The following REDIC1 variants were observed in gnomAD, a reference collection of about 807,000 sequenced individuals.
REDIC1 encodes regulator of DNA class I crossover intermediates 1.
At chr12:39,629,277 G>T in the REDIC1 span, among the ~76,000 whole-genome samples, 1 of 152,184 alleles carries the variant, frequency 6.6e-6, no homozygotes, top group South Asian at 2.1e-4. Flanking sequence ...ATGTTAGTTT[G>T]CGATACTAGG....
chr12:39,748,128 C>T, the REDIC1 span, among the ~76,000 whole-genome samples: 1 of 152,092 alleles, frequency 6.6e-6, no homozygotes, highest in Non-Finnish European at 1.5e-5. Flanking sequence ...AAGACACTGG[C>T]ACATTGGATA....
chr12:39,779,135 G>A, the REDIC1 span, among the ~76,000 whole-genome samples: 30 of 152,286 alleles, frequency 2.0e-4, no homozygotes, highest in African/African-American at 6.7e-4. Context: ...CCTGAGCTGG[G>A]TGGCCTATGG....
the REDIC1 span, among the ~76,000 whole-genome samples, chr12:39,746,293 A>T: frequency 6.6e-6 from 1 of 152,198 alleles, no homozygotes; most frequent in Non-Finnish European, 1.5e-5. Context: ...ATTATGTCCC[A>T]TGCCTGGCTT....
the REDIC1 span, among the ~76,000 whole-genome samples, chr12:39,708,761 G>A: frequency 1.3e-5 from 2 of 151,438 alleles, no homozygotes; most frequent in African/African-American, 2.4e-5. Flanking sequence ...ATACCATACC[G>A]CTTTTATTAT....
the REDIC1 span, among the ~76,000 whole-genome samples, chr12:39,795,950 A>G: frequency 1.3e-5 from 2 of 152,142 alleles, no homozygotes; most frequent in African/African-American, 4.8e-5. Flanking sequence ...GTATATTCAC[A>G]GAGTTGTGTA....
the REDIC1 span, among the ~76,000 whole-genome samples, chr12:39,688,679 A>T: frequency 1.1e-4 from 17 of 152,168 alleles, no homozygotes; most frequent in African/African-American, 4.1e-4. Context: ...AACAATGAGG[A>T]GGGATTTGAT....
the REDIC1 span, among the ~76,000 whole-genome samples, chr12:39,689,920 C>G: frequency 2.0e-5 from 3 of 152,156 alleles, no homozygotes; most frequent in African/African-American, 7.2e-5. Context: ...ATAGCTAGAA[C>G]TAGTCAAAAA....
the REDIC1 span, among the ~76,000 whole-genome samples, chr12:39,705,287 C>A: frequency 2.0e-5 from 3 of 151,998 alleles, no homozygotes; most frequent in African/African-American, 7.2e-5. Flanking sequence ...CCTGAACAGT[C>A]CAATAACGAG....
the REDIC1 span, among the ~76,000 whole-genome samples, chr12:39,713,749 A>G: frequency 1.5e-4 from 23 of 149,554 alleles, no homozygotes; most frequent in South Asian, 1.3e-3. Context: ...ATGTATATAT[A>G]CATGTATACA....
At chr12:39,676,589 A>G in the REDIC1 span, among the ~76,000 whole-genome samples, 16 of 152,324 alleles carry the variant, frequency 1.1e-4, no homozygotes, top group African/African-American at 3.8e-4. Context: ...ATATTCAAAT[A>G]CAAGAAGCTC....
chr12:39,824,234 C>T, the REDIC1 span, among the ~76,000 whole-genome samples: 1 of 152,082 alleles, frequency 6.6e-6, no homozygotes, highest in Non-Finnish European at 1.5e-5. Flanking sequence ...TTTGAATGGT[C>T]CTAGTTAACT....
At chr12:39,665,678 C>T in the REDIC1 span, among the ~76,000 whole-genome samples, 1 of 150,534 alleles carries the variant, frequency 6.6e-6, no homozygotes, top group South Asian at 2.1e-4. Flanking sequence ...TGGCCATTTT[C>T]ACGATATTGA....
chr12:39,876,940 A>AC, the REDIC1 span, among the ~76,000 whole-genome samples: 1 of 152,162 alleles, frequency 6.6e-6, no homozygotes, highest in African/African-American at 2.4e-5. Context: ...TGACTGTAAG[A>AC]CCTTAAAGAT....
chr12:39,885,587 T>C, the REDIC1 span, among the ~76,000 whole-genome samples: 1 of 152,144 alleles, frequency 6.6e-6, no homozygotes, highest in Non-Finnish European at 1.5e-5. Flanking sequence ...TAAATATTAA[T>C]GAATATTATA....
At chr12:39,701,143 A>C in the REDIC1 span, among the ~76,000 whole-genome samples, 5 of 152,304 alleles carry the variant, frequency 3.3e-5, no homozygotes, top group East Asian at 1.9e-4. Flanking sequence ...CAGATTGGCA[A>C]ATTGGATAAA....
the REDIC1 span, among the ~76,000 whole-genome samples, chr12:39,860,821 T>C: frequency 1.3e-5 from 2 of 152,170 alleles, no homozygotes; most frequent in African/African-American, 4.8e-5. Context: ...ATCTCTCTCA[T>C]AGACAACTGT....
the REDIC1 span, among the ~76,000 whole-genome samples, chr12:39,783,671 T>C: frequency 6.6e-6 from 1 of 152,216 alleles, no homozygotes; most frequent in African/African-American, 2.4e-5. Flanking sequence ...ATGTCTTCTT[T>C]TGAGAAGTGT....
the REDIC1 span, among the ~76,000 whole-genome samples, chr12:39,806,039 A>C: frequency 6.6e-6 from 1 of 152,218 alleles, no homozygotes; most frequent in Non-Finnish European, 1.5e-5. Context: ...CTACCAGAAA[A>C]AGCTTACAGT....
At chr12:39,835,489 A>G in the REDIC1 span, among the ~76,000 whole-genome samples, 1 of 152,124 alleles carries the variant, frequency 6.6e-6, no homozygotes, top group Non-Finnish European at 1.5e-5. Flanking sequence ...CATAAGGACT[A>G]TGCTTTATAA....
Sources: allele counts gnomAD v4.1 joint callset (sites outside exome capture counted in the v4.1 genomes callset), GRCh38; gene constraint gnomAD v4.1.1; transcripts MANE v1.5; gene names NCBI Gene and HGNC (gene_info 2026-07-23, HGNC 2026-07-21).